The following HDAC4 variants were observed in gnomAD, a reference collection of about 807,000 sequenced individuals.
HDAC4 encodes the protein histone deacetylase A.
A neutral mutation model predicts 135.1 loss-of-function variants in HDAC4; 16 were observed. The ratio of observed to expected loss-of-function variants is 0.12; its 90% confidence interval spans 0.08 to 0.18. The LOEUF (loss-of-function observed/expected upper bound fraction) is 0.18, where lower values mean the gene tolerates loss of function less well. Ranked by LOEUF, HDAC4 falls within the 10% of genes least tolerant of loss-of-function variation. The probability of loss-of-function intolerance (pLI) is 1.00; values close to 1 mark genes in which losing one functional copy is unlikely to be tolerated. For synonymous variants in HDAC4, 685 were observed against 653.4 expected, an observed-to-expected ratio of 1.05 and a Z score of -0.74; for missense variants, 1,143 against 1,511.8, an observed-to-expected ratio of 0.76 and a Z score of 4.05.
At chr2:239,119,829 G>A (rs547750678) in intron 12 of HDAC4, among the ~76,000 whole-genome samples, 13 of 152,208 alleles carry the variant, frequency 8.5e-5, no homozygotes, top group South Asian at 2.1e-4. Context: ...GAGTCAGCGC[G>A]AGGGCAGGGG....
At chr2:239,176,929 T>G (rs1466309918) in intron 4 of HDAC4, among the ~76,000 whole-genome samples, 3 of 152,106 alleles carry the variant, frequency 2.0e-5, no homozygotes, top group Non-Finnish European at 4.4e-5. Context: ...GCTGGGCACT[T>G]CCTTATAAAG....
chr2:239,265,838 G>A (rs1201441351), intron 2 of HDAC4, among the ~76,000 whole-genome samples: 3 of 152,258 alleles, frequency 2.0e-5, no homozygotes, highest in Non-Finnish European at 4.4e-5. Flanking sequence ...GGTCCTGGGG[G>A]TGAATGGGAA....
At chr2:239,337,308 G>A (rs569373752) in intron 2 of HDAC4, among the ~76,000 whole-genome samples, 28 of 152,214 alleles carry the variant, frequency 1.8e-4, no homozygotes, top group African/African-American at 4.1e-4. Flanking sequence ...TTTTGGCTCC[G>A]GGAAGGCAGA....
At chr2:239,339,302 G>C (rs1429138454) in intron 2 of HDAC4, among the ~76,000 whole-genome samples, 3 of 152,210 alleles carry the variant, frequency 2.0e-5, no homozygotes, top group African/African-American at 7.2e-5. Flanking sequence ...GCAGGGCCAG[G>C]TGCCGACAGA....
chr2:239,333,711 T>A (rs979696390), intron 2 of HDAC4, among the ~76,000 whole-genome samples: 1 of 152,180 alleles, frequency 6.6e-6, no homozygotes, highest in East Asian at 1.9e-4. Flanking sequence ...CCATTTTTTG[T>A]AGATGGAAAA....
At chr2:239,159,100 A>C (rs1166171574) in intron 6 of HDAC4, among the ~76,000 whole-genome samples, 1 of 146,314 alleles carries the variant, frequency 6.8e-6, no homozygotes, top group South Asian at 2.2e-4. Context: ...ACACACACAC[A>C]CCCGCACTTC....
At chr2:239,134,212 A>G (rs2152880756) in intron 11 of HDAC4, 33 bp downstream of exon 11, 1 of 1,577,922 alleles carries the variant, frequency 6.3e-7, no homozygotes, top group African/African-American at 1.3e-5. Flanking sequence ...GCAGCCTCAG[A>G]GCCTGGCTGC....
intron 4 of HDAC4, among the ~76,000 whole-genome samples, chr2:239,183,711 C>T (rs577920211): frequency 6.6e-6 from 1 of 152,198 alleles, no homozygotes; most frequent in Non-Finnish European, 1.5e-5. Flanking sequence ...GCTCCTGCCC[C>T]CTGCCTCCCC....
At chr2:239,387,210 G>A (rs1190151425) in intron 1 of HDAC4, among the ~76,000 whole-genome samples, 1 of 152,192 alleles carries the variant, frequency 6.6e-6, no homozygotes, top group African/African-American at 2.4e-5. Context: ...GAGAAGAGGG[G>A]ACTGCTCACA....
chr2:239,107,545 G>A (rs2038265530), intron 15 of HDAC4, among the ~76,000 whole-genome samples: 1 of 152,200 alleles, frequency 6.6e-6, no homozygotes, highest in African/African-American at 2.4e-5. Context: ...CTCTGAGGAG[G>A]GCCCCAAGGG....
At chr2:239,239,540 T>C (rs2153187431) in intron 2 of HDAC4, among the ~76,000 whole-genome samples, 1 of 152,194 alleles carries the variant, frequency 6.6e-6, no homozygotes, top group South Asian at 2.1e-4. Flanking sequence ...AAGAAGCTCC[T>C]CCTTAGGAAT....
chr2:239,219,664 C>T (rs2046841797), intron 3 of HDAC4, among the ~76,000 whole-genome samples: 1 of 151,886 alleles, frequency 6.6e-6, no homozygotes, highest in African/African-American at 2.4e-5. Context: ...AAAAACAAAT[C>T]CAGTGTAAGG....
At chr2:239,341,997 C>T (rs1179321849) in intron 2 of HDAC4, among the ~76,000 whole-genome samples, 1 of 152,176 alleles carries the variant, frequency 6.6e-6, no homozygotes, top group Admixed American at 6.5e-5. Context: ...CAAGAAGGCA[C>T]CATCTGTGAA....
chr2:239,109,372 C>T (rs1050358316), intron 14 of HDAC4, among the ~76,000 whole-genome samples: 1 of 152,188 alleles, frequency 6.6e-6, no homozygotes, highest in African/African-American at 2.4e-5. Flanking sequence ...CAGGATGCGG[C>T]CCTCCCCACT....
intron 3 of HDAC4, among the ~76,000 whole-genome samples, chr2:239,216,146 A>C (rs2046619805): frequency 6.6e-6 from 1 of 152,036 alleles, no homozygotes; most frequent in South Asian, 2.1e-4. Context: ...CCTAGTAATC[A>C]CTGTGAGCAC....
rs1184980334 is a variant in HDAC4 at position 239,115,736 on chromosome 2, G to C, written c.1534-426C>G. ...GAAACAGCCCACCACCCACTCAGCG[G>C]AAGACAACCACGTCCACAATGCTCA... On this transcript the variant is annotated intron_variant, in intron 12 of 26. Coordinates refer to ENST00000543185, the MANE Select transcript of HDAC4 (RefSeq NM_001378414.1). The surrounding 1 kb of genome is among the most constrained non-coding windows in gnomAD (Gnocchi z 6.3). Among the ~76,000 whole-genome samples, 2 of 152,110 alleles carry C rather than the reference G, an allele frequency of 1.3e-5. No homozygotes were observed. Among genetic ancestry groups the C allele is most frequent in the African/African-American group, 4.8e-5 (2 of 41,434 alleles).
chr2:239,121,608 T>C (rs1185836311), intron 12 of HDAC4, among the ~76,000 whole-genome samples: 3 of 152,248 alleles, frequency 2.0e-5, no homozygotes, highest in African/African-American at 7.2e-5. Context: ...TTCACGAGGA[T>C]GAAGCCTCTG....
intron 2 of HDAC4, among the ~76,000 whole-genome samples, chr2:239,325,215 A>G (rs1480399419): frequency 6.6e-6 from 1 of 152,250 alleles, no homozygotes; most frequent in East Asian, 1.9e-4. Context: ...TCAAAGGCCA[A>G]GCAACAAAAA....
intron 21 of HDAC4, among the ~76,000 whole-genome samples, 156 bp from the exon 22 acceptor site, chr2:239,081,348 C>A (rs549197229): frequency 6.6e-6 from 1 of 152,226 alleles, no homozygotes; most frequent in Non-Finnish European, 1.5e-5. Context: ...TTCATTAAGA[C>A]GCGTGTGAAG....
Sources: allele counts gnomAD v4.1 joint callset (sites outside exome capture counted in the v4.1 genomes callset), GRCh38; gene constraint gnomAD v4.1.1; non-coding constraint Gnocchi (gnomAD v3.1); transcripts MANE v1.5; gene names NCBI Gene and HGNC (gene_info 2026-07-23, HGNC 2026-07-21).